Variants in ADARB2 observed in about 807,000 individuals in gnomAD.
ADARB2 encodes adenosine deaminase RNA specific B2 (inactive).
A neutral mutation model predicts 62.2 loss-of-function variants in ADARB2; 25 were observed. The ratio of observed to expected loss-of-function variants is 0.40; its 90% CI spans 0.29 to 0.56. ADARB2 has a LOEUF of 0.56. Ranked by LOEUF, ADARB2 falls within the 20% of genes least tolerant of loss-of-function variation. The pLI is 0.43. For synonymous variants in ADARB2, 572 were observed against 500.8 expected, an observed-to-expected ratio of 1.14 and a Z score of -1.90; for missense variants, 1,071 against 1,077.4, an observed-to-expected ratio of 0.99 and a Z score of 0.08.
At chr10:1,696,139 A>G (rs910369013) in intron 1 of ADARB2, among the ~76,000 whole-genome samples, 1 of 80,224 alleles carries the variant, frequency 1.2e-5, no homozygotes, top group Non-Finnish European at 2.6e-5. Flanking sequence ...AGTATCACAC[A>G]TGTATATTGT....
At chr10:1,379,661 CAGA>C (rs1236689615) in intron 1 of ADARB2, among the ~76,000 whole-genome samples, 2 of 152,198 alleles carry the variant, frequency 1.3e-5, no homozygotes, top group Non-Finnish European at 2.9e-5. Flanking sequence ...GGGTGTTTGG[CAGA>C]AGTAGAGGAG....
In ADARB2 at chr10:1,341,635, C is replaced by A. The variant is rs554349786; in HGVS notation, c.1077+21393G>T. 2.6e-5 allele frequency among the ~76,000 whole-genome samples: 4 copies of A among 152,064 alleles called. No individual in the cohort carries two copies. The East Asian group carries it at 7.7e-4, about 29-fold the overall frequency. ...GCAATAACCAGCATCCACCAGAGAA[C>A]AACGTGCCCTGCAACGGCGATAATC... On this transcript the variant is annotated intron_variant, in intron 3 of 9. Coordinates refer to ENST00000381312, the MANE Select transcript of ADARB2 (RefSeq NM_018702.4).
intron 7 of ADARB2, among the ~76,000 whole-genome samples, chr10:1,205,415 C>G (rs1027349110): frequency 9.0e-6 from 1 of 111,352 alleles, no homozygotes; most frequent in South Asian, 2.9e-4. Flanking sequence ...GGAGACAACT[C>G]ACTGGAGCCC....
chr10:1,557,222 C>T (rs1364846729), intron 1 of ADARB2, among the ~76,000 whole-genome samples: 1 of 94,848 alleles, frequency 1.1e-5, no homozygotes, highest in African/African-American at 3.6e-5. Flanking sequence ...GTGCCCCCAT[C>T]TTTGCCCAGC....
intron 1 of ADARB2, among the ~76,000 whole-genome samples, chr10:1,703,776 T>G (rs1413295031): frequency 6.6e-6 from 1 of 152,140 alleles, no homozygotes; most frequent in Non-Finnish European, 1.5e-5. Context: ...AAGCAAGGTG[T>G]TTTTTGAAAG....
intron 1 of ADARB2, among the ~76,000 whole-genome samples, chr10:1,465,274 C>T (rs893341345): frequency 6.6e-6 from 1 of 152,092 alleles, no homozygotes; most frequent in Non-Finnish European, 1.5e-5. Context: ...GGTGGTGGAC[C>T]TATTTTACAT....
rs377414085 is a variant in ADARB2, at chr10:1,329,169, A to G, written c.1077+33859T>C. On this transcript the variant is annotated intron_variant, in intron 3 of 9. Coordinates refer to ENST00000381312, the MANE Select transcript of ADARB2 (RefSeq NM_018702.4). ...GGATTTAACAAAGCACTGCGATATT[A>G]CATTTCAGCACGACAGAGAGCATCT... Among the ~76,000 whole-genome samples the G allele has an allele frequency of 6.6e-5, 10 of 152,330 alleles. No individual in the cohort carries two copies. In the East Asian group the frequency reaches 9.6e-4, roughly 15 times the overall value.
At chr10:1,543,906 A>T (rs11594072) in intron 1 of ADARB2, among the ~76,000 whole-genome samples, 47,387 of 149,774 alleles carry the variant, frequency 0.32, 8,538 homozygotes, top group East Asian at 0.74. Context: ...TTTTGTCTGT[A>T]TTTTAAGAAC....
chr10:1,623,308 T>C (rs1833729422), intron 1 of ADARB2, among the ~76,000 whole-genome samples: 1 of 152,322 alleles, frequency 6.6e-6, no homozygotes, highest in African/African-American at 2.4e-5. Flanking sequence ...ACTGTAGATG[T>C]GTGAAAATGA....
Position 1,607,976 on chromosome 10 carries a change from T to A in ADARB2, c.100+129075A>T, listed in dbSNP as rs556745014. On this transcript the variant is annotated intron_variant, in intron 1 of 9. Coordinates refer to ENST00000381312, the MANE Select transcript of ADARB2 (RefSeq NM_018702.4). The stretch of plus-strand genomic sequence containing the variant: ...ACCCATCACACCCCACACAACAGTG[T>A]GCAAGGGCAATGCAATATAGCCCTG... 6.6e-5 allele frequency among the ~76,000 whole-genome samples: 10 copies of A among 152,286 alleles called. No individual in the cohort carries two copies. In the South Asian group the frequency reaches 1.5e-3, roughly 22 times the overall value.
chr10:1,406,102 G>T (rs969957500), intron 1 of ADARB2, among the ~76,000 whole-genome samples: 2 of 152,178 alleles, frequency 1.3e-5, no homozygotes, highest in Non-Finnish European at 2.9e-5. Context: ...TGTAGACTTG[G>T]GCTATGTGTT....
chr10:1,646,067 G>C (rs947799234), intron 1 of ADARB2, among the ~76,000 whole-genome samples: 1 of 152,158 alleles, frequency 6.6e-6, no homozygotes, highest in African/African-American at 2.4e-5. Flanking sequence ...ATGCAGAGAG[G>C]TCCAGGAAAG....
At position 1,691,924 on chromosome 10, in the gene ADARB2, C is replaced by T. The variant is rs146089220; in HGVS notation, c.100+45127G>A. Reference sequence around the variant, plus strand: ...ATGTGTGTGTGTGTGTGTGTGTGCACGCATGCATGTATCTACTACTGGATT... The same window carrying T: ...ATGTGTGTGTGTGTGTGTGTGTGCATGCATGCATGTATCTACTACTGGATT... On this transcript the variant is annotated intron_variant, in intron 1 of 9. Transcript: ENST00000381312. Among the ~76,000 whole-genome samples, 859 of 150,552 alleles carry T rather than the reference C, an allele frequency of 5.7e-3. 11 individuals are homozygous for T. Among genetic ancestry groups the T allele is most frequent in the African/African-American group, 0.019 (797 of 40,978 alleles).
intron 1 of ADARB2, among the ~76,000 whole-genome samples, chr10:1,568,707 T>C (rs1345583912): frequency 1.3e-5 from 2 of 152,102 alleles, no homozygotes; most frequent in African/African-American, 2.4e-5. Context: ...CTTGGACAGG[T>C]AAGCAGATCT....
chr10:1,268,423 T>C (rs1174088298), intron 4 of ADARB2, among the ~76,000 whole-genome samples: 1 of 152,238 alleles, frequency 6.6e-6, no homozygotes, highest in African/African-American at 2.4e-5. Flanking sequence ...AAATGGTCTC[T>C]GATTCATAAA....
At position 1,510,324 on chromosome 10, in the gene ADARB2, C is replaced by T. The variant is rs527703628; in HGVS notation, c.101-131164G>A. ...GCTTCATGAGTAGCTGGAATGACAG[C>T]TGCGTGCCATGATATTCAGCAAATT... is the stretch of plus-strand genomic sequence containing the variant. On this transcript the variant is annotated intron_variant, in intron 1 of 9. Transcript: ENST00000381312. Among the ~76,000 whole-genome samples the T allele has an allele frequency of 2.0e-4, 30 of 152,000 alleles. 1 individual carries two copies. Among genetic ancestry groups the T allele is most frequent in the Non-Finnish European group, 1.3e-4 (9 of 67,962 alleles).
intron 7 of ADARB2, among the ~76,000 whole-genome samples, chr10:1,207,591 A>G (rs1472980017): frequency 2.6e-5 from 4 of 152,138 alleles, no homozygotes; most frequent in Non-Finnish European, 4.4e-5. Context: ...GGGAACATTG[A>G]GCAGCTGATC....
intron 1 of ADARB2, among the ~76,000 whole-genome samples, chr10:1,589,956 G>A (rs1008413632): frequency 6.6e-6 from 1 of 152,224 alleles, no homozygotes; most frequent in Admixed American, 6.5e-5. Flanking sequence ...TTTTTAAATG[G>A]TCCTTCTGGC....
chr10:1,685,372 T>C (rs74487478), intron 1 of ADARB2, among the ~76,000 whole-genome samples: 3,001 of 152,304 alleles, frequency 0.02, 26 homozygotes, highest in African/African-American at 0.031. Context: ...AATGACTCCA[T>C]ACATGCGATT....
Sources: gnomAD v4.1 joint callset for allele counts (sites outside exome capture counted in the v4.1 genomes callset) on GRCh38, gnomAD v4.1.1 for gene constraint, MANE v1.5 for transcripts, NCBI Gene and HGNC (gene_info 2026-07-23, HGNC 2026-07-21) for gene names.